The following WDR7 variants were observed in gnomAD, a reference collection of about 807,000 sequenced individuals.
WDR7 encodes the protein WD repeat-containing protein 7.
WDR7 carries 46 observed loss-of-function variants against 169.4 expected under a neutral mutation model. That is an observed-to-expected ratio of 0.27 (90% CI 0.21 to 0.35). WDR7 has a LOEUF of 0.35. WDR7 is among the 10% of genes least tolerant of loss of function. The pLI is 1.00. For synonymous variants in WDR7, 612 were observed against 666.8 expected, an observed-to-expected ratio of 0.92 and a Z score of 1.27; for missense variants, 1,534 against 1,859.3, an observed-to-expected ratio of 0.83 and a Z score of 3.22.
intron 12 of WDR7, among the ~76,000 whole-genome samples, chr18:56,715,762 T>G (rs1400724043): frequency 6.6e-6 from 1 of 152,184 alleles, no homozygotes; most frequent in South Asian, 2.1e-4. Flanking sequence ...GAATACTGTT[T>G]AGGCATCATT....
At chr18:56,759,839 G>A (rs1029330061) in intron 16 of WDR7, among the ~76,000 whole-genome samples, 1 of 152,100 alleles carries the variant, frequency 6.6e-6, no homozygotes, top group Non-Finnish European at 1.5e-5. Flanking sequence ...TATATCTGTA[G>A]TTTTCCTCTT....
intron 21 of WDR7, among the ~76,000 whole-genome samples, chr18:56,916,432 A>G (rs1425116996): frequency 1.3e-5 from 2 of 152,114 alleles, no homozygotes; most frequent in African/African-American, 4.8e-5. Flanking sequence ...CCATATCCCT[A>G]CAAAGGACAT....
chr18:56,794,304 A>ATTTTTCTTTTTTTTTTTTTTTTTT (rs2044543880), intron 19 of WDR7, among the ~76,000 whole-genome samples: 1 of 49,466 alleles, frequency 2.0e-5, no homozygotes, highest in Non-Finnish European at 3.8e-5. Context: ...GGTAAAGTCT[A>ATTTTTCTTTTTTTTTTTTTTTTTT]TTTTTTTTTT....
At chr18:56,900,082 G>GTATATATATATA (rs1191116351) in intron 21 of WDR7, among the ~76,000 whole-genome samples, 86 of 32,054 alleles carry the variant, frequency 2.7e-3, no homozygotes, top group African/African-American at 5.0e-3. Context: ...GTGTGTGTGT[G>GTATATATATATA]TATATATATA....
chr18:56,899,930 C>T (rs1229875823), intron 21 of WDR7, among the ~76,000 whole-genome samples: 2 of 151,776 alleles, frequency 1.3e-5, no homozygotes, highest in East Asian at 3.9e-4. Context: ...TAAAGTTTTG[C>T]ATTATTTATG....
At chr18:56,987,210 A>C (rs1599221909) in intron 26 of WDR7, among the ~76,000 whole-genome samples, 1 of 149,156 alleles carries the variant, frequency 6.7e-6, no homozygotes, top group African/African-American at 2.5e-5. Context: ...GAACCACTTG[A>C]AAGTGTACAC....
rs186850538 is a variant in WDR7 at position 56,986,321 on chromosome 18, T to C, written c.4164+23792T>C. 1.0e-3 allele frequency among the ~76,000 whole-genome samples: 159 copies of C among 152,316 alleles called. 1 individual carries two copies. The highest frequency in any genetic ancestry group is 1.9e-4 in the Non-Finnish European group (13 of 68,020). On this transcript the variant is annotated intron_variant, in intron 26 of 27. Coordinates refer to ENST00000254442, the MANE Select transcript of WDR7 (RefSeq NM_015285.3). ...TTTTGACCATTTATATCAGTGAATT[T>C]TGCAATTTAAGAAAAGGATCTTGCT...
At chr18:56,789,042 A>C (rs1279207581) in intron 19 of WDR7, among the ~76,000 whole-genome samples, 2 of 152,182 alleles carry the variant, frequency 1.3e-5, no homozygotes, top group Non-Finnish European at 2.9e-5. Context: ...AGAGAGTCAG[A>C]GCTATTGAGC....
At chr18:56,942,979 C>T (rs758412719) in intron 25 of WDR7, among the ~76,000 whole-genome samples, 20 of 152,164 alleles carry the variant, frequency 1.3e-4, no homozygotes, top group Admixed American at 3.3e-4. Flanking sequence ...ACAATATAAG[C>T]TTGTAGCTTA....
At chr18:56,822,174 C>T (rs1449659899) in intron 20 of WDR7, among the ~76,000 whole-genome samples, 2 of 152,090 alleles carry the variant, frequency 1.3e-5, no homozygotes, top group Admixed American at 6.6e-5. Flanking sequence ...ACCGCATATT[C>T]GTTCTTTAAA....
chr18:56,943,994 T>G (rs1211853852), intron 25 of WDR7, among the ~76,000 whole-genome samples: 1 of 135,758 alleles, frequency 7.4e-6, no homozygotes, highest in African/African-American at 2.8e-5. Context: ...TTTTTTTTTT[T>G]TTTTTTTTTT....
chr18:56,806,455 CAT>C (rs1419935153), intron 19 of WDR7, among the ~76,000 whole-genome samples: 1 of 152,034 alleles, frequency 6.6e-6, no homozygotes, highest in Non-Finnish European at 1.5e-5. Context: ...AACATGTGGA[CAT>C]GTGTGTGCAT....
At chr18:56,915,042 CTT>C (rs976493381) in intron 21 of WDR7, among the ~76,000 whole-genome samples, 7 of 152,180 alleles carry the variant, frequency 4.6e-5, no homozygotes, top group African/African-American at 1.7e-4. Context: ...TTTAAAATAT[CTT>C]TATTAAATTA....
intron 20 of WDR7, among the ~76,000 whole-genome samples, chr18:56,819,337 T>C (rs2045041968): frequency 6.6e-6 from 1 of 152,188 alleles, no homozygotes; most frequent in Non-Finnish European, 1.5e-5. Flanking sequence ...TCTTGATTGA[T>C]ACAATTTAAA....
intron 12 of WDR7, among the ~76,000 whole-genome samples, chr18:56,711,815 A>G (rs574043502): frequency 3.3e-5 from 5 of 152,132 alleles, no homozygotes; most frequent in Non-Finnish European, 7.4e-5. Context: ...CCCTTCAGGT[A>G]GAATATTTAA....
chr18:56,687,359 TCTC>T (rs2144598876), intron 7 of WDR7, among the ~76,000 whole-genome samples: 1 of 152,326 alleles, frequency 6.6e-6, no homozygotes, highest in Admixed American at 6.5e-5. Context: ...TGGAAAGTCT[TCTC>T]ATATCACTTC....
chr18:56,962,387 T>G, intron 25 of WDR7, 43 bp from the exon 26 acceptor site: 1 of 1,580,600 alleles, frequency 6.3e-7, no homozygotes, highest in Non-Finnish European at 8.7e-7. Flanking sequence ...TCATCTCACC[T>G]GGCTTCTTGT....
chr18:56,982,266 A>G lies in WDR7; in HGVS notation c.4164+19737A>G, dbSNP rs1657414. Reference sequence around the variant, plus strand: ...AATTTGGTGGATTTCAAAGGCACCCAGCTTCTGAATATTCTTAAAAGAAAT... The same window carrying G: ...AATTTGGTGGATTTCAAAGGCACCCGGCTTCTGAATATTCTTAAAAGAAAT... On this transcript the variant is annotated intron_variant, in intron 26 of 27. Coordinates refer to ENST00000254442, the MANE Select transcript of WDR7 (RefSeq NM_015285.3). 6.0e-3 allele frequency among the ~76,000 whole-genome samples: 911 copies of G among 152,346 alleles called. 7 individuals are homozygous for G. The highest frequency in any genetic ancestry group is 0.021 in the African/African-American group (863 of 41,564).
At chr18:56,658,916 C>T (rs1300649576) in intron 1 of WDR7, among the ~76,000 whole-genome samples, 2 of 152,036 alleles carry the variant, frequency 1.3e-5, no homozygotes, top group Non-Finnish European at 2.9e-5. Flanking sequence ...TGGGGTTTCA[C>T]CATGTTGGCC....
Sources: gnomAD v4.1 joint callset for allele counts (sites outside exome capture counted in the v4.1 genomes callset) on GRCh38, gnomAD v4.1.1 for gene constraint, MANE v1.5 for transcripts, NCBI Gene and HGNC (gene_info 2026-07-23, HGNC 2026-07-21) for gene names.